Variants in BRCC3 observed in about 807,000 individuals in gnomAD.
BRCC3 encodes lys-63-specific deubiquitinase BRCC36.
In BRCC3, 15 loss-of-function variants were observed where a neutral mutation model predicts 28.0. That is an observed-to-expected ratio of 0.54 (90% CI 0.36 to 0.82). The LOEUF (loss-of-function observed/expected upper bound fraction) is 0.82, where lower values mean the gene tolerates loss of function less well. Ranked by LOEUF, BRCC3 falls within the 40% of genes least tolerant of loss-of-function variation. The probability of loss-of-function intolerance (pLI) is 0.01; values close to 1 mark genes in which losing one functional copy is unlikely to be tolerated. For missense variants in BRCC3, 109 were observed against 225.9 expected (o/e 0.48, Z 3.32); for synonymous variants, 66 against 80.3 (o/e 0.82, Z 0.95).
In BRCC3 at chrX:155,090,780, A is replaced by G. The variant is rs2074169100; in HGVS notation, c.493-4A>G. The G allele has an allele frequency of 8.4e-7, 1 of 1,189,069 alleles. No homozygotes were observed. The highest frequency in any genetic ancestry group is 1.1e-6 in the Non-Finnish European group (1 of 879,191). The stretch of plus-strand genomic sequence containing the variant: ...ATTTCTTTCTTTCTTTTTTCCTTTG[A>G]TAGACTGGCCGGGTACTCTACACTT... On this transcript the variant is annotated splice_polypyrimidine_tract_variant and splice_region_variant and intron_variant, in intron 6 of 10. Coordinates refer to ENST00000330045, the MANE Select transcript of BRCC3 (RefSeq NM_001018055.3).
chrX:155,092,462 A>G lies in BRCC3; in HGVS notation c.548+1623A>G, dbSNP rs782525886. ...ATGGTTGATTCTGAGAGTAGAAAATAAAGTGTTTATATTGTTATTATTATG... is the reference window on the plus strand; with the variant it reads ...ATGGTTGATTCTGAGAGTAGAAAATGAAGTGTTTATATTGTTATTATTATG... On this transcript the variant is annotated intron_variant, in intron 7 of 10. Coordinates refer to ENST00000330045, the MANE Select transcript of BRCC3 (RefSeq NM_001018055.3). Among the ~76,000 whole-genome samples the G allele has an allele frequency of 3.7e-4, 41 of 111,694 alleles. 1 individual carries two copies. Among genetic ancestry groups the G allele is most frequent in the East Asian group, 2.8e-4 (1 of 3,592 alleles).
chrX:155,106,240 C>T (rs1268114529), intron 7 of BRCC3, among the ~76,000 whole-genome samples: 3 of 111,795 alleles, frequency 2.7e-5, no homozygotes, highest in Non-Finnish European at 5.6e-5. Flanking sequence ...TATTCTTAAG[C>T]ATTTAACTTC....
At chrX:155,089,800 G>A (rs1349724362) in intron 6 of BRCC3, among the ~76,000 whole-genome samples, 1 of 112,246 alleles carries the variant, frequency 8.9e-6, no homozygotes, top group Non-Finnish European at 1.9e-5. Flanking sequence ...TTGACTCTGA[G>A]TTGGGAAGTC....
At chrX:155,106,661 T>A (rs2074286971) in intron 7 of BRCC3, among the ~76,000 whole-genome samples, 1 of 112,542 alleles carries the variant, frequency 8.9e-6, no homozygotes, top group Admixed American at 9.4e-5. Flanking sequence ...TTTATCAGGT[T>A]TAGGTATATA....
At position 155,073,423 on chromosome X, in the gene BRCC3, G is replaced by T; in HGVS notation, c.187G>T (p.Ala63Ser). The change falls in exon 3 of 11, where the codon GCT (alanine) becomes TCT (serine). Residue 63 changes from alanine (A) to serine (S), a missense_variant. Physicochemically the swap from Ala to Ser is moderately conservative, Grantham distance 99. Transcript: ENST00000330045. Reference sequence around the variant, plus strand: ...TACTGGAACTGAAATGCGCACAGTTGCTGAAAAGGTATGTGTGCTAAAATT... The same window carrying T: ...TACTGGAACTGAAATGCGCACAGTTTCTGAAAAGGTATGTGTGCTAAAATT... ...AYTGTEMRTV[A>S]EKVDAVRIVH... 8.6e-7 allele frequency: 1 copy of T among 1,167,333 alleles called. No homozygotes were observed. The highest frequency in any genetic ancestry group is 3.2e-5 in the East Asian group (1 of 31,056).
At chrX:155,099,174 A>T in intron 7 of BRCC3, 1 of 708,174 alleles carries the variant, frequency 1.4e-6, no homozygotes, top group Non-Finnish European at 1.9e-6. Flanking sequence ...ATAAGAAATA[A>T]AATTAGAAAT....
intron 7 of BRCC3, among the ~76,000 whole-genome samples, 180 bp from the exon 8 acceptor site, chrX:155,115,853 GGCTCTGCAGACGGGCTTTTAGTTT>G (rs2074351070): frequency 8.9e-6 from 1 of 112,252 alleles, no homozygotes; most frequent in African/African-American, 3.2e-5. Flanking sequence ...AGGGAATACT[GGCTCTGCAGACGGGCTTTTAGTTT>G]GCTCTCCAGA....
At chrX:155,099,344 G>T in intron 7 of BRCC3, 1 of 1,209,629 alleles carries the variant, frequency 8.3e-7, no homozygotes, top group South Asian at 1.8e-5. Flanking sequence ...GACTTCTGGA[G>T]CTCCAGCCAG....
intron 5 of BRCC3, among the ~76,000 whole-genome samples, chrX:155,083,870 G>A (rs1031493575): frequency 4.4e-5 from 5 of 112,539 alleles, no homozygotes; most frequent in Non-Finnish European, 7.5e-5. Flanking sequence ...CGAGGAGTGT[G>A]TGGCTTTTGG....
At chrX:155,072,206 A>C (rs1353399974) in intron 1 of BRCC3, 121 bp from the exon 2 acceptor site, 1 of 564,964 alleles carries the variant, frequency 1.8e-6, no homozygotes, top group Non-Finnish European at 3.0e-6. Flanking sequence ...GTCTAAAGTA[A>C]TTCTCCAGTC....
At chrX:155,111,864 C>G (rs1429325774) in intron 7 of BRCC3, among the ~76,000 whole-genome samples, 1 of 111,781 alleles carries the variant, frequency 8.9e-6, no homozygotes, top group Non-Finnish European at 1.9e-5. Flanking sequence ...AAAGCAGTCT[C>G]CCCTTATCTT....
chrX:155,111,429 T>G (rs2074321090), intron 7 of BRCC3, among the ~76,000 whole-genome samples: 1 of 111,961 alleles, frequency 8.9e-6, no homozygotes, highest in African/African-American at 3.2e-5. Flanking sequence ...ATCAGTGGAA[T>G]AGAATTGTGA....
intron 3 of BRCC3, among the ~76,000 whole-genome samples, chrX:155,075,134 CTT>C (rs2074021198): frequency 8.9e-6 from 1 of 111,845 alleles, no homozygotes; most frequent in Non-Finnish European, 1.9e-5. Context: ...CCTTTTTTCT[CTT>C]TTGTGTTGTC....
intron 9 of BRCC3, among the ~76,000 whole-genome samples, chrX:155,119,181 G>C (rs1401312054): frequency 2.7e-5 from 3 of 112,107 alleles, no homozygotes; most frequent in Non-Finnish European, 5.6e-5. Context: ...CCTTTTCAAA[G>C]ATTAAATTGA....
intron 10 of BRCC3, 53 bp downstream of exon 10, chrX:155,120,221 C>G (rs2074381357): frequency 1.1e-6 from 1 of 914,406 alleles, no homozygotes; most frequent in Non-Finnish European, 1.6e-6. Flanking sequence ...AAAATGCACA[C>G]AGCTCACATG....
chrX:155,077,934 G>A (rs2074058198), intron 4 of BRCC3, among the ~76,000 whole-genome samples: 1 of 112,117 alleles, frequency 8.9e-6, no homozygotes, highest in Non-Finnish European at 1.9e-5. Flanking sequence ...GCTCAAGTGG[G>A]ACCCTCAAGT....
At chrX:155,079,046 A>G (rs2074066419) in intron 5 of BRCC3, 1 of 145,761 alleles carries the variant, frequency 6.9e-6, no homozygotes, top group African/African-American at 3.2e-5. Context: ...CGTATAGTCC[A>G]TTGGGGCTCT....
At chrX:155,078,509 G>T in intron 4 of BRCC3, 107 bp from the exon 5 acceptor site, 1 of 553,047 alleles carries the variant, frequency 1.8e-6, no homozygotes, top group Non-Finnish European at 3.0e-6. Context: ...TTCTTTTGTT[G>T]CCATTAAATT....
At chrX:155,109,728 C>G (rs1602802934) in intron 7 of BRCC3, among the ~76,000 whole-genome samples, 1 of 111,742 alleles carries the variant, frequency 8.9e-6, no homozygotes, top group Admixed American at 9.5e-5. Flanking sequence ...TAAACAAGGG[C>G]AATTTAATTT....
Sources: gnomAD v4.1 joint callset for allele counts (sites outside exome capture counted in the v4.1 genomes callset) on GRCh38, gnomAD v4.1.1 for gene constraint, MANE v1.5 for transcripts, NCBI Gene and HGNC (gene_info 2026-07-23, HGNC 2026-07-21) for gene names.